ATXN2: variants seen among roughly 807,000 people sequenced by gnomAD.
The protein encoded by ATXN2 is ataxin 2.
ATXN2 carries 37 observed loss-of-function variants against 138.6 expected under a neutral mutation model. That is an observed-to-expected ratio of 0.27 (90% CI 0.21 to 0.35). The LOEUF is 0.35. Ranked by LOEUF, ATXN2 falls within the 10% of genes least tolerant of loss-of-function variation. The pLI, the probability that ATXN2 is intolerant of heterozygous loss-of-function variation, is 1.00. For synonymous variants in ATXN2, 549 were observed against 543.7 expected (o/e 1.01, Z -0.13); for missense variants, 1,216 against 1,480.3 (o/e 0.82, Z 2.93).
chr12:111,469,083 AG>A (rs1202118395), intron 20 of ATXN2: 1 of 152,232 alleles, frequency 6.6e-6, no homozygotes, highest in Non-Finnish European at 1.5e-5. Flanking sequence ...TTATATTCTT[AG>A]TATTTCAAAA....
At chr12:111,587,320 T>C (rs569031292) in intron 1 of ATXN2, among the ~76,000 whole-genome samples, 1 of 152,268 alleles carries the variant, frequency 6.6e-6, no homozygotes, top group South Asian at 2.1e-4. Flanking sequence ...TTATTAAGAA[T>C]ATTTTAACAT....
intron 14 of ATXN2, among the ~76,000 whole-genome samples, chr12:111,498,281 A>G (rs1458141518): frequency 6.6e-6 from 1 of 152,194 alleles, no homozygotes; most frequent in East Asian, 1.9e-4. Flanking sequence ...AAGTCAAATT[A>G]TCCTTGTTTG....
At chr12:111,480,323 C>T (rs1877137531) in intron 18 of ATXN2, among the ~76,000 whole-genome samples, 2 of 152,306 alleles carry the variant, frequency 1.3e-5, no homozygotes, top group Admixed American at 6.5e-5. Context: ...AAATTGGATT[C>T]ACATTTTATA....
intron 16 of ATXN2, 93 bp downstream of exon 16, chr12:111,486,668 C>CA (rs1408403468): frequency 9.0e-7 from 1 of 1,112,052 alleles, no homozygotes; most frequent in Non-Finnish European, 1.3e-6. Context: ...CACACTAAAA[C>CA]AAAATTCAGA....
At chr12:111,543,218 G>C (rs1881622278) in intron 5 of ATXN2, among the ~76,000 whole-genome samples, 1 of 152,208 alleles carries the variant, frequency 6.6e-6, no homozygotes, top group South Asian at 2.1e-4. Flanking sequence ...GCAAAGTTGA[G>C]GCCGTAAACA....
At chr12:111,455,490 T>C in intron 23 of ATXN2, 2 of 293,026 alleles carry the variant, frequency 6.8e-6, no homozygotes, top group Non-Finnish European at 1.3e-5. Flanking sequence ...ACTGCACCAA[T>C]GTCCAAGGCC....
chr12:111,556,873 AC>A (rs1211453766), intron 1 of ATXN2, among the ~76,000 whole-genome samples: 7 of 151,846 alleles, frequency 4.6e-5, no homozygotes, highest in Non-Finnish European at 8.8e-5. Flanking sequence ...AAAAAAAAAA[AC>A]TGAAAATAAG....
intron 1 of ATXN2, among the ~76,000 whole-genome samples, chr12:111,589,403 AG>A (rs1372432028): frequency 2.0e-5 from 3 of 152,096 alleles, no homozygotes. Flanking sequence ...GAGGCCAAGG[AG>A]GGCAAATTGT....
chr12:111,471,420 G>A (rs1196660409), intron 18 of ATXN2: 2 of 152,238 alleles, frequency 1.3e-5, no homozygotes, highest in Non-Finnish European at 2.9e-5. Flanking sequence ...CCTCCAGCAC[G>A]AGCTAGCTAC....
At chr12:111,475,493 T>C (rs1261861611) in intron 18 of ATXN2, among the ~76,000 whole-genome samples, 8 of 148,812 alleles carry the variant, frequency 5.4e-5, no homozygotes, top group African/African-American at 1.5e-4. Context: ...GTTTCTTTTT[T>C]TTTTTTTTTT....
intron 6 of ATXN2, among the ~76,000 whole-genome samples, chr12:111,521,842 G>A (rs1382523233): frequency 6.6e-6 from 1 of 152,178 alleles, no homozygotes; most frequent in African/African-American, 2.4e-5. Flanking sequence ...CAGAGCAGCT[G>A]AGGCTGCATT....
chr12:111,581,793 A>T, intron 1 of ATXN2: 1 of 524,648 alleles, frequency 1.9e-6, no homozygotes, highest in Non-Finnish European at 3.6e-6. Flanking sequence ...AGGAGGCATT[A>T]TCTAGGCCAG....
At chr12:111,464,383 A>G (rs1447922138) in intron 21 of ATXN2, among the ~76,000 whole-genome samples, 1 of 150,344 alleles carries the variant, frequency 6.7e-6, no homozygotes, top group African/African-American at 2.5e-5. Flanking sequence ...AAAGCTGTTT[A>G]GGAAGTTTCT....
At chr12:111,455,699 G>A in intron 23 of ATXN2, 3 of 407,146 alleles carry the variant, frequency 7.4e-6, no homozygotes, top group South Asian at 2.3e-5. Flanking sequence ...GAATATATAT[G>A]TACACATATA....
intron 1 of ATXN2, among the ~76,000 whole-genome samples, chr12:111,572,356 G>A (rs1412121418): frequency 6.6e-6 from 1 of 151,426 alleles, no homozygotes; most frequent in Non-Finnish European, 1.5e-5. Context: ...AGCCAAGATG[G>A]CACCATTGCA....
intron 6 of ATXN2, among the ~76,000 whole-genome samples, 196 bp from the exon 7 acceptor site, chr12:111,521,169 C>A (rs144561664): frequency 6.6e-6 from 1 of 152,138 alleles, no homozygotes; most frequent in African/African-American, 2.4e-5. Flanking sequence ...AGTAACTATA[C>A]AACACAATTA....
At chr12:111,533,475 T>C (rs1387351117) in intron 5 of ATXN2, among the ~76,000 whole-genome samples, 1 of 152,180 alleles carries the variant, frequency 6.6e-6, no homozygotes, top group Non-Finnish European at 1.5e-5. Flanking sequence ...AAAAAGTCTG[T>C]ACATGTTCAG....
intron 1 of ATXN2, 121 bp from the exon 2 acceptor site, chr12:111,556,040 C>A (rs1882371862): frequency 6.2e-6 from 5 of 802,896 alleles, no homozygotes; most frequent in Non-Finnish European, 9.4e-6. Flanking sequence ...GGAGAGCTCA[C>A]CTAATATTAA....
chr12:111,481,611 C>T lies in ATXN2; in HGVS notation c.2524+3654G>A, dbSNP rs1378793854. ...TTGGAAAAGTTTGGCAGTTCCATCACAGCATTTCTACTTTAGGAGAAATGA... is the reference window on the plus strand; with the variant it reads ...TTGGAAAAGTTTGGCAGTTCCATCATAGCATTTCTACTTTAGGAGAAATGA... On this transcript the variant is annotated intron_variant, in intron 18 of 24. Coordinates refer to ENST00000673436, the MANE Select transcript of ATXN2 (RefSeq NM_001372574.1). Among the ~76,000 whole-genome samples the T allele has an allele frequency of 2.0e-5, 3 of 151,970 alleles. No individual in the cohort carries two copies. In the East Asian group the frequency reaches 5.9e-4, roughly 30 times the overall value.
Sources: allele counts gnomAD v4.1 joint callset (sites outside exome capture counted in the v4.1 genomes callset), GRCh38; gene constraint gnomAD v4.1.1; transcripts MANE v1.5; gene names NCBI Gene and HGNC (gene_info 2026-07-23, HGNC 2026-07-21).